Variants in PLK3 observed in about 807,000 individuals in gnomAD.
PLK3 encodes polo like kinase 3.
A neutral mutation model predicts 71.6 loss-of-function variants in PLK3; 41 were observed. The ratio of observed to expected loss-of-function variants is 0.57; its 90% CI spans 0.45 to 0.74. The LOEUF (loss-of-function observed/expected upper bound fraction) is 0.74, where lower values mean the gene tolerates loss of function less well. PLK3 is among the 30% of genes least tolerant of loss of function. The pLI is 0.00. For missense variants in PLK3, 791 were observed against 875.6 expected (o/e 0.90, Z 1.22); for synonymous variants, 366 against 355.4 (o/e 1.03, Z -0.33).
chr1:44,800,713 T>C lies in PLK3; in HGVS notation c.210+40T>C, dbSNP rs1651797610. 1 of 1,539,844 alleles carries C rather than the reference T, an allele frequency of 6.5e-7. No individual in the cohort carries two copies. Among genetic ancestry groups the C allele is most frequent in the East Asian group, 2.4e-5 (1 of 41,488 alleles). On this transcript the variant is annotated intron_variant, in intron 1 of 14. Coordinates refer to ENST00000372201, the MANE Select transcript of PLK3 (RefSeq NM_004073.4). The surrounding 1 kb of genome is among the most constrained non-coding windows in gnomAD (Gnocchi z 6.5). ...GTCCGCGGGGTGGTGATGGTGGAGGTGGGGGTCCCGGCCGGCCTCTTTTCT... is the reference window on the plus strand; with the variant it reads ...GTCCGCGGGGTGGTGATGGTGGAGGCGGGGGTCCCGGCCGGCCTCTTTTCT...
chr1:44,805,144 G>A (rs1309423520), intron 13 of PLK3, 122 bp from the exon 14 acceptor site: 2 of 704,344 alleles, frequency 2.8e-6, no homozygotes, highest in Non-Finnish European at 2.5e-6. Context: ...AACCCATCCT[G>A]ATCCCTCTGA....
rs376069887 is a variant in PLK3, at chr1:44,805,484, C to T, written c.1750-3C>T. The T allele has an allele frequency of 6.2e-7, 1 of 1,613,922 alleles. No homozygotes were observed. Among genetic ancestry groups the T allele is most frequent in the Non-Finnish European group, 8.5e-7 (1 of 1,179,766 alleles). Reference sequence around the variant, plus strand: ...CCTGACCACTGTCATGCTCTGTGTGCAGGTGAACTTCTACGGGGACCACAC... The same window carrying T: ...CCTGACCACTGTCATGCTCTGTGTGTAGGTGAACTTCTACGGGGACCACAC... On this transcript the variant is annotated splice_region_variant and splice_polypyrimidine_tract_variant and intron_variant, in intron 14 of 14. Coordinates refer to ENST00000372201, the MANE Select transcript of PLK3 (RefSeq NM_004073.4).
chr1:44,800,759 C>A lies in PLK3; in HGVS notation c.211-81C>A. ...TTTCTGGCGCCGAGCAGGGCGTGGG[C>A]ACTTGACCCCCAACGCGGGGACGCC... is the stretch of plus-strand genomic sequence containing the variant. On this transcript the variant is annotated intron_variant, in intron 1 of 14. Coordinates refer to ENST00000372201, the MANE Select transcript of PLK3 (RefSeq NM_004073.4). This position sits in a 1 kb window ranked among gnomAD's most constrained non-coding sequence, Gnocchi z 6.5. 1.3e-6 allele frequency: 2 copies of A among 1,541,996 alleles called. No individual in the cohort carries two copies. The highest frequency in any genetic ancestry group is 1.7e-6 in the Non-Finnish European group (2 of 1,144,338).
At chr1:44,801,284 A>G (rs1422760302) in intron 3 of PLK3, 132 bp downstream of exon 3, 1 of 617,280 alleles carries the variant, frequency 1.6e-6, no homozygotes, top group African/African-American at 2.1e-5. Flanking sequence ...ATCTCGGCTC[A>G]CTGCAATCTC....
At chr1:44,801,201 G>GTAT in intron 3 of PLK3, 49 bp downstream of exon 3, 1 of 563,858 alleles carries the variant, frequency 1.8e-6, no homozygotes, top group Non-Finnish European at 3.1e-6. Flanking sequence ...AGAGAAGACA[G>GTAT]TCTTTTTTTT....
In PLK3 at chr1:44,805,718, T is replaced by A; in HGVS notation, c.*40T>A. The A allele has an allele frequency of 6.3e-7, 1 of 1,583,340 alleles. No individual in the cohort carries two copies. The highest frequency in any genetic ancestry group is 8.6e-7 in the Non-Finnish European group (1 of 1,160,520). ...GGCCTGAGGCCTGTGCCTGTCAGGC[T>A]CTGGCCCTTGCCTTTGTGGCCTTCC... is the stretch of plus-strand genomic sequence containing the variant. On this transcript the variant is annotated 3_prime_UTR_variant, in exon 15 of 15. Coordinates refer to ENST00000372201, the MANE Select transcript of PLK3 (RefSeq NM_004073.4).
Position 44,800,856 on chromosome 1 carries a change from G to T in PLK3, c.227G>T (p.Cys76Phe). The T allele has an allele frequency of 6.2e-7, 1 of 1,610,736 alleles. No homozygotes were observed. The highest frequency in any genetic ancestry group is 1.3e-5 in the African/African-American group (1 of 75,002). The change falls in exon 2 of 15, where the codon TGC becomes TTC. Residue 76 changes from cysteine (C) to phenylalanine (F), a missense_variant. Transcript: ENST00000372201. The surrounding 1 kb of genome is among the most constrained non-coding windows in gnomAD (Gnocchi z 6.5). ...RLLGKGGFARCYEATDTETGS... is the reference protein window; with the variant it reads ...RLLGKGGFARFYEATDTETGS... Reference sequence around the variant, plus strand: ...TCTTCACAGGGGGGCTTCGCCCGCTGCTACGAGGCCACTGACACAGAGACT... The same window carrying T: ...TCTTCACAGGGGGGCTTCGCCCGCTTCTACGAGGCCACTGACACAGAGACT...
chr1:44,805,877 TC>T lies in PLK3; in HGVS notation c.*202del. 1 of 1,426,032 alleles carries T rather than the reference TC, an allele frequency of 7.0e-7. No homozygotes were observed. The highest frequency in any genetic ancestry group is 9.3e-7 in the Non-Finnish European group (1 of 1,075,638). 88.3% of individuals were successfully genotyped at this position (1,426,032 alleles called of 1,614,324 possible). A position where few individuals can be genotyped will look rare whatever the true frequency, so the allele number is the denominator to read the frequency against. ...CTCCAAGATAAGCCTGAGCCTTAGC[TC>T]CCAGCTAGGGGGCGTTATTTATGGA... On this transcript the variant is annotated 3_prime_UTR_variant, in exon 15 of 15. Coordinates refer to ENST00000372201, the MANE Select transcript of PLK3 (RefSeq NM_004073.4).
At position 44,801,899 on chromosome 1, in the gene PLK3, C is replaced by T; in HGVS notation, c.620C>T (p.Ala207Val). ...CTGAAGGTGGGGGATTTTGGGCTGGCAGCCCGGTTGGAGCCTCCGGAGCAG... is the reference window on the plus strand; with the variant it reads ...CTGAAGGTGGGGGATTTTGGGCTGGTAGCCCGGTTGGAGCCTCCGGAGCAG... ...MELKVGDFGL[A>V]ARLEPPEQRK... is the part of the protein sequence containing the mutation. Residue 207 changes from alanine (A) to valine (V), a missense_variant, in exon 5 of 15, where the codon GCA (alanine) becomes GTA (valine). Transcript: ENST00000372201. The T allele has an allele frequency of 6.2e-7, 1 of 1,613,796 alleles. No individual in the cohort carries two copies. The highest frequency in any genetic ancestry group is 8.5e-7 in the Non-Finnish European group (1 of 1,179,876).
Position 44,800,732 on chromosome 1 carries a change from C to G in PLK3, c.210+59C>G. 6.5e-7 allele frequency: 1 copy of G among 1,535,212 alleles called. No homozygotes were observed. Among genetic ancestry groups the G allele is most frequent in the South Asian group, 1.2e-5 (1 of 84,022 alleles). ...TGGAGGTGGGGGTCCCGGCCGGCCT[C>G]TTTTCTGGCGCCGAGCAGGGCGTGG... On this transcript the variant is annotated intron_variant, in intron 1 of 14. Coordinates refer to ENST00000372201, the MANE Select transcript of PLK3 (RefSeq NM_004073.4). The surrounding 1 kb of genome is among the most constrained non-coding windows in gnomAD (Gnocchi z 6.5).
chr1:44,800,966 G>A lies in PLK3; in HGVS notation c.318+19G>A, dbSNP rs765165666. 3 of 1,611,592 alleles carry A rather than the reference G, an allele frequency of 1.9e-6. No homozygotes were observed. The highest frequency in any genetic ancestry group is 1.7e-5 in the Admixed American group (1 of 60,000). Reference sequence around the variant, plus strand: ...CGAGAAGGTGGGTCCAGGCTCAGCGGGCGAGGGGTGGGGTGGGGACGGTGG... The same window carrying A: ...CGAGAAGGTGGGTCCAGGCTCAGCGAGCGAGGGGTGGGGTGGGGACGGTGG... On this transcript the variant is annotated intron_variant, in intron 2 of 14. Coordinates refer to ENST00000372201, the MANE Select transcript of PLK3 (RefSeq NM_004073.4). The surrounding 1 kb of genome is among the most constrained non-coding windows in gnomAD (Gnocchi z 6.5).
rs370642204 is a variant in PLK3, at chr1:44,801,841, C to G, written c.566-4C>G. The G allele has an allele frequency of 1.9e-6, 3 of 1,612,924 alleles. No individual in the cohort carries two copies. The highest frequency in any genetic ancestry group is 2.5e-6 in the Non-Finnish European group (3 of 1,179,340). On this transcript the variant is annotated splice_polypyrimidine_tract_variant and splice_region_variant and intron_variant, in intron 4 of 14. Coordinates refer to ENST00000372201, the MANE Select transcript of PLK3 (RefSeq NM_004073.4). ...ATCTGACACACCTCTCTTGCCCCAT[C>G]TAGGAAATTTTTTCATCACTGAGAA...
chr1:44,800,896 T>C lies in PLK3; in HGVS notation c.267T>C (p.Ala89=). 2 of 1,612,140 alleles carry C rather than the reference T, an allele frequency of 1.2e-6. No individual in the cohort carries two copies. The highest frequency in any genetic ancestry group is 8.5e-7 in the Non-Finnish European group (1 of 1,179,858). Residue 89 remains alanine, a synonymous_variant, in exon 2 of 15, where the codon GCT becomes GCC. Transcript: ENST00000372201. The surrounding 1 kb of genome is among the most constrained non-coding windows in gnomAD (Gnocchi z 6.5). ...ACACAGAGACTGGCAGCGCCTACGC[T>C]GTCAAAGTCATCCCGCAGAGCCGCG... ...ATDTETGSAY[A]VKVIPQSRVA...
rs139393415 is a variant in PLK3, at chr1:44,805,578, C to T, written c.1841C>T (p.Thr614Ile). Residue 614 changes from threonine to isoleucine, a missense_variant, in exon 15 of 15, where the codon ACT becomes ATT. Thr to Ile is a moderately conservative substitution (Grantham distance 89, BLOSUM62 -1). Transcript: ENST00000372201. ...TFVARNRSAC[T>I]YLASHLRQLG... ...GTGGCCCGAAATCGTAGTGCTTGTA[C>T]TTACCTCGCTTCCCACCTTCGGCAG... The T allele has an allele frequency of 3.5e-4, 570 of 1,614,064 alleles. No homozygotes were observed. Among genetic ancestry groups the T allele is most frequent in the Non-Finnish European group, 4.5e-4 (535 of 1,179,992 alleles).
At chr1:44,801,471 G>A in intron 3 of PLK3, 151 bp from the exon 4 acceptor site, 1 of 806,840 alleles carries the variant, frequency 1.2e-6, no homozygotes, top group Non-Finnish European at 1.9e-6. Flanking sequence ...GCCTCCCAAA[G>A]TGCTGGGATT....
intron 13 of PLK3, 36 bp from the exon 14 acceptor site, chr1:44,805,230 C>T (rs780531158): frequency 4.2e-5 from 59 of 1,414,104 alleles, no homozygotes; most frequent in African/African-American, 8.4e-5. Flanking sequence ...GGCTGTCTCA[C>T]GCTGGATCAG....
chr1:44,802,234 A>G (rs761536039), intron 5 of PLK3, among the ~76,000 whole-genome samples: 7 of 151,828 alleles, frequency 4.6e-5, no homozygotes, highest in Non-Finnish European at 7.4e-5. Flanking sequence ...TGGATGGGGG[A>G]AGGTGACAGG....
At chr1:44,804,570 T>C in intron 12 of PLK3, 69 bp downstream of exon 12, 1 of 1,604,388 alleles carries the variant, frequency 6.2e-7, no homozygotes. Flanking sequence ...TCGTGAGTGC[T>C]CCTGGGCTCA....
In PLK3 at chr1:44,805,788, A is replaced by G. The variant is rs1273088449; in HGVS notation, c.*110A>G. Reference sequence around the variant, plus strand: ...CTGGGGGCTTTGGGCCGAATCCCCCAGGGAATCAGGGACCAGCTTTACTGG... The same window carrying G: ...CTGGGGGCTTTGGGCCGAATCCCCCGGGGAATCAGGGACCAGCTTTACTGG... On this transcript the variant is annotated 3_prime_UTR_variant, in exon 15 of 15. Transcript: ENST00000372201. The G allele has an allele frequency of 2.3e-6, 3 of 1,322,828 alleles. No individual in the cohort carries two copies. In the African/African-American group the frequency reaches 4.4e-5, roughly 20 times the overall value. The allele number at this position is 1,322,828 out of a possible 1,614,324, so 81.9% of individuals were successfully genotyped here.
Sources: gnomAD v4.1 joint callset for allele counts (sites outside exome capture counted in the v4.1 genomes callset) on GRCh38, gnomAD v4.1.1 for gene constraint, Gnocchi (gnomAD v3.1) non-coding constraint, MANE v1.5 for transcripts, NCBI Gene and HGNC (gene_info 2026-07-23, HGNC 2026-07-21) for gene names.